FRMD4B: variants seen among roughly 807,000 people sequenced by gnomAD.
FRMD4B encodes FERM domain containing 4B.
Under a neutral mutation model 141.5 loss-of-function variants are expected in FRMD4B, and 74 were observed. The observed-to-expected ratio is 0.52, with a 90% CI of 0.43 to 0.63. The LOEUF is 0.63. Among genes scored for constraint, FRMD4B ranks in the 30% least tolerant of loss-of-function variants. FRMD4B has a pLI of 0.00. For synonymous variants in FRMD4B, 506 were observed against 467.9 expected (o/e 1.08, Z -1.05); for missense variants, 1,366 against 1,253.4 (o/e 1.09, Z -1.36).
At chr3:69,240,819 A>G (rs186457268) in intron 7 of FRMD4B, among the ~76,000 whole-genome samples, 4 of 152,358 alleles carry the variant, frequency 2.6e-5, no homozygotes, top group Non-Finnish European at 4.4e-5. Flanking sequence ...AATGCTTATC[A>G]GCGGGGGAAT....
chr3:69,350,521 A>G (rs1449683627), intron 1 of FRMD4B, among the ~76,000 whole-genome samples: 1 of 152,196 alleles, frequency 6.6e-6, no homozygotes, highest in Non-Finnish European at 1.5e-5. Context: ...AGACACATGA[A>G]CATGTATGTT....
At chr3:69,540,822 A>G (rs1701171500) in intron 1 of FRMD4B, among the ~76,000 whole-genome samples, 1 of 151,736 alleles carries the variant, frequency 6.6e-6, no homozygotes, top group Admixed American at 6.6e-5. Flanking sequence ...ACCACAGATT[A>G]CTGGTGGGAC....
At chr3:69,415,011 G>C (rs1334644392) in intron 2 of FRMD4B, among the ~76,000 whole-genome samples, 1 of 151,890 alleles carries the variant, frequency 6.6e-6, no homozygotes, top group Non-Finnish European at 1.5e-5. Context: ...GATTACAGGT[G>C]TGCACCGCCA....
intron 1 of FRMD4B, among the ~76,000 whole-genome samples, chr3:69,490,836 C>G (rs1706291193): frequency 6.6e-6 from 1 of 152,084 alleles, no homozygotes; most frequent in African/African-American, 2.4e-5. Context: ...GTGAATGAAG[C>G]ACACGATAAG....
At chr3:69,293,367 G>A (rs1401932367) in intron 4 of FRMD4B, among the ~76,000 whole-genome samples, 1 of 150,426 alleles carries the variant, frequency 6.6e-6, no homozygotes, top group Non-Finnish European at 1.5e-5. Flanking sequence ...TCTTGGGGTA[G>A]CTGCTCCGCT....
chr3:69,194,874 G>A, intron 16 of FRMD4B, 148 bp downstream of exon 16: 2 of 619,238 alleles, frequency 3.2e-6, no homozygotes, highest in East Asian at 3.0e-5. Context: ...GGGCATGAAA[G>A]AAAGAGTTCA....
intron 4 of FRMD4B, among the ~76,000 whole-genome samples, chr3:69,292,202 G>A (rs1269039024): frequency 6.6e-6 from 1 of 152,174 alleles, no homozygotes; most frequent in Non-Finnish European, 1.5e-5. Flanking sequence ...AATTAACTCA[G>A]CTTATGAATT....
At chr3:69,462,744 C>T (rs946941864) in intron 1 of FRMD4B, among the ~76,000 whole-genome samples, 3 of 152,228 alleles carry the variant, frequency 2.0e-5, no homozygotes, top group African/African-American at 7.2e-5. Context: ...GCCAGGTAGC[C>T]AAGGCCTCTG....
At chr3:69,412,063 T>C (rs1704770273) in intron 2 of FRMD4B, among the ~76,000 whole-genome samples, 1 of 152,206 alleles carries the variant, frequency 6.6e-6, no homozygotes. Context: ...TTCAGCACTT[T>C]TCATCTATAA....
At chr3:69,451,270 A>AAAACAAAC (rs75378136) in intron 1 of FRMD4B, among the ~76,000 whole-genome samples, 2 of 151,760 alleles carry the variant, frequency 1.3e-5, no homozygotes, top group African/African-American at 2.4e-5. Flanking sequence ...ATCCTGCACC[A>AAAACAAAC]AAACAAACAA....
intron 5 of FRMD4B, among the ~76,000 whole-genome samples, chr3:69,258,987 G>T (rs573581863): frequency 2.6e-5 from 4 of 152,074 alleles, no homozygotes; most frequent in African/African-American, 9.7e-5. Flanking sequence ...CAGGGTTGGG[G>T]GATGGTTTCG....
rs571677569 is a variant in FRMD4B, at chr3:69,276,619, G to A, written c.501+11133C>T. ...CTTCCTAAACTGCATTGGCTTTCAA[G>A]AGAACTTTGATACCTCCAGGTTCAC... On this transcript the variant is annotated intron_variant, in intron 5 of 22. Transcript: ENST00000398540. 5.3e-5 allele frequency among the ~76,000 whole-genome samples: 8 copies of A among 152,276 alleles called. No individual in the cohort carries two copies. The East Asian group carries it at 1.5e-3, about 29-fold the overall frequency.
chr3:69,221,721 T>C (rs2093196716), intron 9 of FRMD4B, 137 bp downstream of exon 9: 1 of 641,030 alleles, frequency 1.6e-6, no homozygotes. Context: ...ACCGAAGACA[T>C]TTTCTAATTC....
intron 1 of FRMD4B, among the ~76,000 whole-genome samples, chr3:69,328,739 C>A (rs1365589071): frequency 6.6e-6 from 1 of 152,174 alleles, no homozygotes; most frequent in African/African-American, 2.4e-5. Flanking sequence ...GACACTCTCA[C>A]CAGCACCATG....
chr3:69,250,811 G>A (rs1358571622), intron 5 of FRMD4B, among the ~76,000 whole-genome samples: 1 of 150,594 alleles, frequency 6.6e-6, no homozygotes, highest in Non-Finnish European at 1.5e-5. Flanking sequence ...TTCAGGGCCT[G>A]GCACAGTGGC....
chr3:69,350,872 C>A (rs535949678), intron 1 of FRMD4B, among the ~76,000 whole-genome samples: 1 of 151,238 alleles, frequency 6.6e-6, no homozygotes, highest in African/African-American at 2.4e-5. Flanking sequence ...AGGAGATATA[C>A]CTAATGTAAA....
chr3:69,350,940 C>G (rs1703125192), intron 1 of FRMD4B, among the ~76,000 whole-genome samples: 1 of 151,876 alleles, frequency 6.6e-6, no homozygotes. Context: ...TGTAACAAAC[C>G]TGCACATTGT....
intron 2 of FRMD4B, among the ~76,000 whole-genome samples, chr3:69,410,786 T>C (rs1704748100): frequency 7.0e-6 from 1 of 142,890 alleles, no homozygotes; most frequent in African/African-American, 2.6e-5. Flanking sequence ...TGAGACAGGG[T>C]CTTGCTCTGT....
At chr3:69,456,733 TA>T (rs60484143) in intron 1 of FRMD4B, among the ~76,000 whole-genome samples, 9,843 of 128,952 alleles carry the variant, frequency 0.076, 332 homozygotes, top group East Asian at 0.11. Flanking sequence ...TCCATTTTTG[TA>T]AAAAAAAAAA....
Sources: gnomAD v4.1 joint callset for allele counts (sites outside exome capture counted in the v4.1 genomes callset) on GRCh38, gnomAD v4.1.1 for gene constraint, MANE v1.5 for transcripts, NCBI Gene and HGNC (gene_info 2026-07-23, HGNC 2026-07-21) for gene names.